Variants in SLC1A2 observed in about 807,000 individuals in gnomAD.
SLC1A2 encodes the protein excitatory amino acid transporter 2.
In SLC1A2, 15 loss-of-function variants were observed where a neutral mutation model predicts 48.8. The ratio of observed to expected loss-of-function variants is 0.31; its 90% confidence interval spans 0.21 to 0.47. SLC1A2 has a LOEUF of 0.47. SLC1A2 is among the 20% of genes least tolerant of loss of function. SLC1A2 has a pLI of 0.99. For synonymous variants in SLC1A2, 279 were observed against 272.6 expected, an observed-to-expected ratio of 1.02 and a Z score of -0.23; for missense variants, 502 against 730.5, an observed-to-expected ratio of 0.69 and a Z score of 3.61.
At chr11:35,360,112 A>G in intron 1 of SLC1A2, 1 of 984,866 alleles carries the variant, frequency 1.0e-6, no homozygotes, top group Non-Finnish European at 1.2e-6. Flanking sequence ...CTTCCATCAC[A>G]GTCCTGCTAT....
chr11:35,411,469 C>G (rs1250097833), intron 1 of SLC1A2, among the ~76,000 whole-genome samples: 1 of 152,152 alleles, frequency 6.6e-6, no homozygotes, highest in African/African-American at 2.4e-5. Context: ...GAGACAGGAT[C>G]TTGCTATGTT....
At chr11:35,317,637 T>A in intron 1 of SLC1A2, 121 bp from the exon 2 acceptor site, 3 of 1,224,800 alleles carry the variant, frequency 2.4e-6, no homozygotes, top group Non-Finnish European at 3.4e-6. Context: ...TGCAGGAAAA[T>A]AAAAGTAAGT....
intron 1 of SLC1A2, among the ~76,000 whole-genome samples, chr11:35,396,848 A>G (rs1198919825): frequency 1.3e-5 from 2 of 152,064 alleles, no homozygotes; most frequent in Non-Finnish European, 2.9e-5. Context: ...TACAAAATCA[A>G]TGTGCAAAAA....
intron 6 of SLC1A2, among the ~76,000 whole-genome samples, 182 bp from the exon 7 acceptor site, chr11:35,292,702 G>T (rs1346741911): frequency 6.6e-6 from 1 of 152,186 alleles, no homozygotes; most frequent in African/African-American, 2.4e-5. Context: ...AATCTGTTTT[G>T]TGGATCTGGT....
intron 7 of SLC1A2, among the ~76,000 whole-genome samples, chr11:35,288,494 C>T (rs956990875): frequency 3.3e-5 from 5 of 152,144 alleles, no homozygotes; most frequent in Admixed American, 1.3e-4. Flanking sequence ...TGGGCCCTTT[C>T]GAAGGGTTGC....
At chr11:35,314,457 G>A (rs902014776) in intron 3 of SLC1A2, among the ~76,000 whole-genome samples, 1 of 152,216 alleles carries the variant, frequency 6.6e-6, no homozygotes, top group South Asian at 2.1e-4. Context: ...GCTCATGCCT[G>A]TAAACCCAGC....
chr11:35,415,801 G>A (rs534731187), intron 1 of SLC1A2, among the ~76,000 whole-genome samples: 15 of 152,104 alleles, frequency 9.9e-5, no homozygotes, highest in Admixed American at 2.6e-4. Flanking sequence ...ACAGATTGCC[G>A]TGGGTCTCTG....
At chr11:35,419,887 C>T (rs944388398), upstream of SLC1A2, 27 of 463,806 alleles carry the variant, frequency 5.8e-5, no homozygotes, top group Middle Eastern at 8.3e-4. This position sits in a 1 kb window ranked among gnomAD's most constrained non-coding sequence, Gnocchi z 5.4. Context: ...CCCCGGAGCA[C>T]CCGCTTCAGC....
intron 9 of SLC1A2, among the ~76,000 whole-genome samples, chr11:35,270,837 T>C (rs536516940): frequency 1.6e-4 from 25 of 152,296 alleles, no homozygotes; most frequent in African/African-American, 4.6e-4. Flanking sequence ...CTAACAAGTA[T>C]AGTGAGAGAC....
chr11:35,330,146 C>T (rs1220290816), intron 1 of SLC1A2, among the ~76,000 whole-genome samples: 1 of 152,158 alleles, frequency 6.6e-6, no homozygotes, highest in Non-Finnish European at 1.5e-5. Context: ...ACCTTTGAGG[C>T]ATATGAAGTT....
At position 35,419,056 on chromosome 11, in the gene SLC1A2, C is replaced by T. The variant is rs1449479347; in HGVS notation, c.-90G>A. ...CGCCGGGGTGAGCGCGAAGTGCGGC[C>T]GGGAGCGGTATTTAAGAGGAGCCTC... On this transcript the variant is annotated 5_prime_UTR_variant, in exon 1 of 11. Transcript: ENST00000278379. This position sits in a 1 kb window ranked among gnomAD's most constrained non-coding sequence, Gnocchi z 5.4. 8.0e-7 allele frequency: 1 copy of T among 1,254,190 alleles called. No individual in the cohort carries two copies. The highest frequency in any genetic ancestry group is 1.1e-6 in the Non-Finnish European group (1 of 887,876). 77.7% of individuals were successfully genotyped at this position (1,254,190 alleles called of 1,614,324 possible).
intron 1 of SLC1A2, chr11:35,370,846 C>T: frequency 1.7e-6 from 1 of 577,064 alleles, no homozygotes; most frequent in Non-Finnish European, 2.2e-6. Flanking sequence ...ACCTCCCAGG[C>T]CAAGAAGAAC....
intron 1 of SLC1A2, among the ~76,000 whole-genome samples, chr11:35,348,175 C>T (rs920482939): frequency 3.3e-5 from 5 of 152,120 alleles, no homozygotes; most frequent in African/African-American, 1.2e-4. Flanking sequence ...GCAGAGCCTC[C>T]CCAGGAACAG....
chr11:35,389,849 G>A (rs1854706706), intron 1 of SLC1A2, among the ~76,000 whole-genome samples: 1 of 152,106 alleles, frequency 6.6e-6, no homozygotes, highest in Non-Finnish European at 1.5e-5. Flanking sequence ...CTGGGTTCAA[G>A]TGATCCTCCC....
chr11:35,396,567 C>CTGGATATT (rs1355576781), intron 1 of SLC1A2, among the ~76,000 whole-genome samples: 2 of 151,176 alleles, frequency 1.3e-5, no homozygotes, highest in East Asian at 3.9e-4. Flanking sequence ...ATTGTAGATT[C>CTGGATATT]TGGATATTAG....
At chr11:35,351,917 A>T (rs933214650) in intron 1 of SLC1A2, among the ~76,000 whole-genome samples, 1 of 152,242 alleles carries the variant, frequency 6.6e-6, no homozygotes, top group Admixed American at 6.5e-5. Flanking sequence ...TACAGGCGTG[A>T]GTCACCGCAT....
chr11:35,313,749 C>A (rs751329596), intron 3 of SLC1A2, among the ~76,000 whole-genome samples: 3 of 152,152 alleles, frequency 2.0e-5, no homozygotes, highest in Non-Finnish European at 4.4e-5. Flanking sequence ...ATGGTAAATG[C>A]ACCCTTTCAC....
At chr11:35,362,280 C>G (rs1030137398) in intron 1 of SLC1A2, among the ~76,000 whole-genome samples, 18 of 152,246 alleles carry the variant, frequency 1.2e-4, no homozygotes, top group African/African-American at 4.1e-4. Flanking sequence ...ATAGCTGTCT[C>G]TGGCCCCTCC....
At chr11:35,341,115 T>C (rs7925926) in intron 1 of SLC1A2, among the ~76,000 whole-genome samples, 53,576 of 151,962 alleles carry the variant, frequency 0.35, 9,532 homozygotes, top group Middle Eastern at 0.49. Context: ...TGCCAAACTA[T>C]CTGAATAGAG....
Sources: gnomAD v4.1 joint callset for allele counts (sites outside exome capture counted in the v4.1 genomes callset) on GRCh38, gnomAD v4.1.1 for gene constraint, Gnocchi (gnomAD v3.1) non-coding constraint, MANE v1.5 for transcripts, NCBI Gene and HGNC (gene_info 2026-07-23, HGNC 2026-07-21) for gene names.